The following DNAH1 variants were observed in gnomAD, a reference collection of about 807,000 sequenced individuals.
DNAH1 encodes the protein dynein axonemal heavy chain 1, also known as axonemal beta dynein heavy chain 1.
DNAH1 carries 327 observed loss-of-function variants against 484.3 expected under a neutral mutation model. The observed-to-expected ratio is 0.68, with a 90% confidence interval of 0.62 to 0.74. DNAH1 has a LOEUF of 0.74. Among genes scored for constraint, DNAH1 ranks in the 30% least tolerant of loss-of-function variants. DNAH1 has a pLI of 0.00. For synonymous variants in DNAH1, 2,192 were observed against 2,191.9 expected (o/e 1.00, Z 0.00); for missense variants, 5,052 against 5,546.8 (o/e 0.91, Z 2.83).
chr3:52,345,625 C>T lies in DNAH1; in HGVS notation c.1575C>T (p.Ala525=). The change falls in exon 10 of 78, where the codon GCC becomes GCT. Residue 525 remains alanine, a synonymous_variant. Coordinates refer to ENST00000420323, the MANE Select transcript of DNAH1 (RefSeq NM_015512.5). Reference sequence around the variant, plus strand: ...GGGCCGAGTGCAACAAGGTGACCGCCATGTCCCTGTTCCACTCGAGCCTCT... The same window carrying T: ...GGGCCGAGTGCAACAAGGTGACCGCTATGTCCCTGTTCCACTCGAGCCTCT... ...KVRAECNKVT[A]MSLFHSSLSK... The T allele has an allele frequency of 6.2e-7, 1 of 1,610,370 alleles. No homozygotes were observed. Among genetic ancestry groups the T allele is most frequent in the Non-Finnish European group, 8.5e-7 (1 of 1,178,374 alleles).
intron 51 of DNAH1, 124 bp from the exon 52 acceptor site, chr3:52,383,736 C>T: frequency 1.4e-6 from 2 of 1,410,200 alleles, no homozygotes; most frequent in Non-Finnish European, 1.9e-6. Context: ...GCCATTGGGC[C>T]CAGGCTGCTG....
chr3:52,322,760 C>T lies in DNAH1; in HGVS notation c.318C>T (p.Thr106=). 6.2e-7 allele frequency: 1 copy of T among 1,603,390 alleles called. No homozygotes were observed. Among genetic ancestry groups the T allele is most frequent in the South Asian group, 1.1e-5 (1 of 89,380 alleles). The change falls in exon 2 of 78, where the codon ACC becomes ACT. Residue 106 remains threonine (T), a synonymous_variant. Transcript: ENST00000420323. ...ACTCCGACATCCTCAGCCCTGGAACCTTAGATCAACTTGGGGTGAGTATGG... is the reference window on the plus strand; with the variant it reads ...ACTCCGACATCCTCAGCCCTGGAACTTTAGATCAACTTGGGGTGAGTATGG... ...GFYSDILSPG[T]LDQLGEVCRG...
At position 52,361,884 on chromosome 3, in the gene DNAH1, T is replaced by G; in HGVS notation, c.4980+118T>G. 9.1e-7 allele frequency: 1 copy of G among 1,103,500 alleles called. No individual in the cohort carries two copies. Among genetic ancestry groups the G allele is most frequent in the Non-Finnish European group, 1.3e-6 (1 of 770,854 alleles). 68.4% of individuals were successfully genotyped at this position (1,103,500 alleles called of 1,614,324 possible). On this transcript the variant is annotated intron_variant, in intron 30 of 77. Coordinates refer to ENST00000420323, the MANE Select transcript of DNAH1 (RefSeq NM_015512.5). This position sits in a 1 kb window ranked among gnomAD's most constrained non-coding sequence, Gnocchi z 5.6. ...GGTCCACCCTGGGTCCAGCCTCTCT[T>G]GTCCCGGGGGCACACCCTAACCCCA...
At chr3:52,384,449 C>T (rs1029196428) in intron 52 of DNAH1, among the ~76,000 whole-genome samples, 3 of 152,170 alleles carry the variant, frequency 2.0e-5, no homozygotes, top group Non-Finnish European at 4.4e-5. Context: ...GGGGGAACCA[C>T]CTCAGGGCTC....
At chr3:52,344,437 G>T in intron 8 of DNAH1, 53 bp from the exon 9 acceptor site, 3 of 1,586,694 alleles carry the variant, frequency 1.9e-6, no homozygotes, top group East Asian at 2.2e-5. Context: ...CCCCGGCTGG[G>T]GTTCACAGGG....
At position 52,326,862 on chromosome 3, in the gene DNAH1, C is replaced by T. The variant is rs777151061; in HGVS notation, c.709C>T (p.Pro237Ser). 6.2e-7 allele frequency: 1 copy of T among 1,613,138 alleles called. No individual in the cohort carries two copies. ...CCAAACCATCGAACAGGGCCATGACCCAATCTTCCCCATCTACCTCCCACT... is the reference window on the plus strand; with the variant it reads ...CCAAACCATCGAACAGGGCCATGACTCAATCTTCCCCATCTACCTCCCACT... ...HPQTIEQGHD[P>S]IFPIYLPLKV... The change falls in exon 5 of 78, where the codon CCA becomes TCA. Residue 237 changes from proline to serine, a missense_variant. By Grantham distance (74) the Pro-to-Ser change is moderately conservative (BLOSUM62 -1). Around this residue, in one of 4 missense-constraint regions of DNAH1, gnomAD observed 1,263 missense variants for 1,218.8 expected, o/e 1.04. Coordinates refer to ENST00000420323, the MANE Select transcript of DNAH1 (RefSeq NM_015512.5).
In DNAH1 at chr3:52,389,584, C is replaced by A; in HGVS notation, c.9619C>A (p.Gln3207Lys). ...GAACCCTGTGAAGATCCGATCGTGG[C>A]AGGTGCCCACCCCAGGGGCAGGAGT... ...LGNPVKIRSW[Q>K]IAGLPNDTLS... The change falls in exon 60 of 78, where the codon CAG becomes AAG. Residue 3207 changes from glutamine to lysine, a missense_variant and splice_region_variant. By Grantham distance (53) the Gln-to-Lys change is moderately conservative. Transcript: ENST00000420323. The A allele has an allele frequency of 1.3e-6, 2 of 1,485,870 alleles. No homozygotes were observed. Among genetic ancestry groups the A allele is most frequent in the Non-Finnish European group, 1.8e-6 (2 of 1,116,604 alleles). 92.0% of individuals were successfully genotyped at this position (1,485,870 alleles called of 1,614,324 possible).
rs751491682 is a variant in DNAH1, at chr3:52,370,107, C to T, written c.6139-3C>T. 1.2e-5 allele frequency: 19 copies of T among 1,614,008 alleles called. No individual in the cohort carries two copies. In the South Asian group the frequency reaches 1.2e-4, roughly 10 times the overall value. On this transcript the variant is annotated splice_polypyrimidine_tract_variant and splice_region_variant and intron_variant, in intron 38 of 77. Transcript: ENST00000420323. ...ATGAGAACTGGGTGCCTACTCCCTG[C>T]AGGAATCCATCTCCTTCGTTCGGTC...
In DNAH1 at chr3:52,359,387, G is replaced by T; in HGVS notation, c.4407+1G>T. 1 of 1,569,576 alleles carries T rather than the reference G, an allele frequency of 6.4e-7. No individual in the cohort carries two copies. Among genetic ancestry groups the T allele is most frequent in the Non-Finnish European group, 8.6e-7 (1 of 1,156,822 alleles). ...ACTGTTCCCCCAGCTCTGCCAGCAG[G>T]TTGGAGTCAAGAGGACCCCTGTCTG... On this transcript the variant is annotated splice_donor_variant, in intron 26 of 77. Coordinates refer to ENST00000420323, the MANE Select transcript of DNAH1 (RefSeq NM_015512.5). LOFTEE classifies it high-confidence loss of function.
At chr3:52,356,125 G>A (rs1355939367) in intron 21 of DNAH1, among the ~76,000 whole-genome samples, 1 of 152,240 alleles carries the variant, frequency 6.6e-6, no homozygotes. Context: ...GAATTTGGAG[G>A]CAGAAGGGGG....
intron 39 of DNAH1, 31 bp from the exon 40 acceptor site, chr3:52,370,444 GTC>G: frequency 6.2e-7 from 1 of 1,613,694 alleles, no homozygotes; most frequent in Non-Finnish European, 8.5e-7. Context: ...TACTGTTCCT[GTC>G]TCAGCCTGAT....
chr3:52,347,717 G>T (rs1252087422), intron 11 of DNAH1, 107 bp from the exon 12 acceptor site: 16 of 1,318,306 alleles, frequency 1.2e-5, no homozygotes, highest in African/African-American at 1.5e-5. Flanking sequence ...CAAGTATTGT[G>T]CATGGAGAGG....
intron 8 of DNAH1, among the ~76,000 whole-genome samples, chr3:52,337,165 G>A (rs1398149749): frequency 2.0e-5 from 3 of 152,090 alleles, no homozygotes; most frequent in Non-Finnish European, 4.4e-5. Context: ...TGTATTCCTA[G>A]GTATTTTGTG....
In DNAH1 at chr3:52,350,612, A is replaced by G. The variant is rs781207825; in HGVS notation, c.2729+22A>G. 8.1e-6 allele frequency: 13 copies of G among 1,610,464 alleles called. No homozygotes were observed. In the South Asian group the frequency reaches 1.2e-4, roughly 15 times the overall value. ...ACAAGTGAGTGGGAGCTTGGCCCCC[A>G]TGCCAGGTGCGGGGTGGAGCATGAG... On this transcript the variant is annotated intron_variant, in intron 16 of 77. Transcript: ENST00000420323.
At chr3:52,343,533 T>C (rs1702024818) in intron 8 of DNAH1, among the ~76,000 whole-genome samples, 1 of 152,044 alleles carries the variant, frequency 6.6e-6, no homozygotes, top group Non-Finnish European at 1.5e-5. Context: ...TTTTCCAGGT[T>C]CCGAGGGAGT....
At position 52,353,738 on chromosome 3, in the gene DNAH1, C is replaced by A; in HGVS notation, c.3480+105C>A. 1.4e-6 allele frequency: 2 copies of A among 1,479,440 alleles called. No homozygotes were observed. The highest frequency in any genetic ancestry group is 2.0e-5 in the Admixed American group (1 of 49,288). 91.6% of individuals were successfully genotyped at this position (1,479,440 alleles called of 1,614,324 possible). A position where few individuals can be genotyped will look rare whatever the true frequency, so the allele number is the denominator to read the frequency against. Reference sequence around the variant, plus strand: ...CACTTGGGAGGATGACAGTAATAAGCCCCATCCCTGGGGTCATGAGGCCCA... The same window carrying A: ...CACTTGGGAGGATGACAGTAATAAGACCCATCCCTGGGGTCATGAGGCCCA... On this transcript the variant is annotated intron_variant, in intron 20 of 77. Transcript: ENST00000420323. The surrounding 1 kb of genome is among the most constrained non-coding windows in gnomAD (Gnocchi z 5.0).
At chr3:52,393,157 A>C in intron 65 of DNAH1, 132 bp downstream of exon 65, 1 of 1,417,650 alleles carries the variant, frequency 7.1e-7, no homozygotes, top group Non-Finnish European at 9.7e-7. Flanking sequence ...ACAATACATA[A>C]GAATGCACAC....
intron 8 of DNAH1, among the ~76,000 whole-genome samples, chr3:52,340,070 A>G (rs1303923029): frequency 6.6e-6 from 1 of 151,534 alleles, no homozygotes. Context: ...TTTTTTCAGT[A>G]TTTTTACAGT....
At chr3:52,331,514 T>C (rs978732349) in intron 7 of DNAH1, among the ~76,000 whole-genome samples, 1 of 152,122 alleles carries the variant, frequency 6.6e-6, no homozygotes. Context: ...GCATGTCAGC[T>C]CTGAGCCCAA....
Sources: gnomAD v4.1 joint callset for allele counts (sites outside exome capture counted in the v4.1 genomes callset) on GRCh38, gnomAD v4.1.1 for gene constraint, gnomAD v4.1.1 regional missense constraint, Gnocchi (gnomAD v3.1) non-coding constraint, MANE v1.5 for transcripts, NCBI Gene and HGNC (gene_info 2026-07-23, HGNC 2026-07-21) for gene names.